MTMR2: variants seen among roughly 807,000 people sequenced by gnomAD.
The protein encoded by MTMR2 is phosphatidylinositol-3,5-bisphosphate 3-phosphatase MTMR2.
In MTMR2, 55 loss-of-function variants were observed where a neutral mutation model predicts 86.9. The observed-to-expected ratio is 0.63, with a 90% confidence interval of 0.51 to 0.79. MTMR2 has a LOEUF of 0.79. MTMR2 is among the 30% of genes least tolerant of loss of function. The pLI is 0.00. For missense variants in MTMR2, 659 were observed against 772.3 expected (o/e 0.85, Z 1.74); for synonymous variants, 241 against 266.8 (o/e 0.90, Z 0.94).
At chr11:95,842,887 G>A (rs766554736) in intron 11 of MTMR2, among the ~76,000 whole-genome samples, 1 of 152,042 alleles carries the variant, frequency 6.6e-6, no homozygotes. Context: ...ACTTAACAAC[G>A]CAGTAAAAAT....
At position 95,844,155 on chromosome 11, in the gene MTMR2, CAT is replaced by C. The variant is rs755882528; in HGVS notation, c.1386+796_1386+797del. Among the ~76,000 whole-genome samples the C allele has an allele frequency of 5.7e-4, 87 of 152,286 alleles. 2 individuals are homozygous for C. The highest frequency in any genetic ancestry group is 5.4e-3 in the South Asian group (26 of 4,826). ...TTGATTTTGAACACATTTATATAAA[CAT>C]GTGCAGCTTTGGCTGACTAAAACTT... On this transcript the variant is annotated intron_variant, in intron 11 of 14. Transcript: ENST00000346299.
intron 1 of MTMR2, among the ~76,000 whole-genome samples, chr11:95,894,690 CAA>C (rs1307724582): frequency 1.3e-5 from 2 of 152,064 alleles, no homozygotes; most frequent in Non-Finnish European, 2.9e-5. Context: ...TTAAAGTTTT[CAA>C]AAGAGTTTCT....
intron 1 of MTMR2, among the ~76,000 whole-genome samples, chr11:95,890,684 T>C (rs966483723): frequency 6.6e-6 from 1 of 152,180 alleles, no homozygotes; most frequent in Non-Finnish European, 1.5e-5. Context: ...AAGAATAGGA[T>C]GAGCATAGGT....
intron 2 of MTMR2, among the ~76,000 whole-genome samples, chr11:95,885,780 G>T (rs962681774): frequency 2.0e-5 from 3 of 152,008 alleles, no homozygotes; most frequent in Non-Finnish European, 2.9e-5. Context: ...ACAGTATGTG[G>T]GTGGGGGAGG....
intron 7 of MTMR2, among the ~76,000 whole-genome samples, chr11:95,855,170 C>T (rs979075975): frequency 7.2e-5 from 11 of 152,084 alleles, no homozygotes; most frequent in African/African-American, 2.4e-4. Context: ...TCACTACATA[C>T]TGTATATGTC....
At chr11:95,907,221 T>G (rs1866312206) in intron 1 of MTMR2, among the ~76,000 whole-genome samples, 1 of 151,998 alleles carries the variant, frequency 6.6e-6, no homozygotes, top group Admixed American at 6.6e-5. Context: ...AAATCCTCAG[T>G]GACTACTATG....
chr11:95,838,591 A>G (rs1352897352), intron 12 of MTMR2, among the ~76,000 whole-genome samples: 1 of 152,090 alleles, frequency 6.6e-6, no homozygotes, highest in Non-Finnish European at 1.5e-5. Context: ...GTCTCCAGAA[A>G]ATGTCAGCAA....
chr11:95,911,902 T>A (rs1028119258), intron 1 of MTMR2, among the ~76,000 whole-genome samples: 1 of 152,152 alleles, frequency 6.6e-6, no homozygotes, highest in Non-Finnish European at 1.5e-5. Flanking sequence ...CAAACCTGAA[T>A]TCATTATTCA....
chr11:95,920,257 G>C (rs752933420), intron 1 of MTMR2, among the ~76,000 whole-genome samples: 5 of 152,172 alleles, frequency 3.3e-5, no homozygotes, highest in Non-Finnish European at 5.9e-5. Flanking sequence ...TTGCTGAACA[G>C]TTTACTGAAG....
At chr11:95,885,382 C>T (rs1327459785) in intron 2 of MTMR2, among the ~76,000 whole-genome samples, 1 of 151,938 alleles carries the variant, frequency 6.6e-6, no homozygotes, top group Non-Finnish European at 1.5e-5. Flanking sequence ...AACCAGGGCT[C>T]CTATGAAAAC....
intron 1 of MTMR2, among the ~76,000 whole-genome samples, chr11:95,894,188 T>C (rs1174600765): frequency 6.6e-6 from 1 of 152,208 alleles, no homozygotes; most frequent in Non-Finnish European, 1.5e-5. Flanking sequence ...CATGCCCTCT[T>C]TGTCCCATCT....
intron 2 of MTMR2, among the ~76,000 whole-genome samples, chr11:95,879,045 C>T (rs1014183932): frequency 9.2e-5 from 14 of 151,994 alleles, no homozygotes; most frequent in African/African-American, 3.4e-4. Flanking sequence ...ATATATCTCC[C>T]AACAGTGGCT....
intron 1 of MTMR2, among the ~76,000 whole-genome samples, chr11:95,897,005 T>C (rs1421788495): frequency 6.6e-6 from 1 of 152,034 alleles, no homozygotes; most frequent in African/African-American, 2.4e-5. Context: ...GGATTAGTCC[T>C]ATCTAGCTAA....
chr11:95,897,665 T>C (rs531353038), intron 1 of MTMR2, among the ~76,000 whole-genome samples: 1 of 152,258 alleles, frequency 6.6e-6, no homozygotes, highest in Non-Finnish European at 1.5e-5. Flanking sequence ...ACTACACCTA[T>C]TTAGCTAAGT....
chr11:95,879,094 C>T (rs1003941727), intron 2 of MTMR2, among the ~76,000 whole-genome samples: 1 of 151,920 alleles, frequency 6.6e-6, no homozygotes, highest in African/African-American at 2.4e-5. Flanking sequence ...AGACCATGAT[C>T]ATAACATGAT....
At chr11:95,844,181 T>C (rs1863670390) in intron 11 of MTMR2, among the ~76,000 whole-genome samples, 1 of 152,200 alleles carries the variant, frequency 6.6e-6, no homozygotes, top group East Asian at 1.9e-4. Flanking sequence ...TGACTAAAAC[T>C]TGATTCTTTG....
chr11:95,848,701 T>C (rs654345), intron 9 of MTMR2, among the ~76,000 whole-genome samples: 91,205 of 152,010 alleles, frequency 0.6, 29,518 homozygotes, highest in African/African-American at 0.86. Flanking sequence ...ATTAAGTGAT[T>C]ATATGACCCA....
At position 95,896,263 on chromosome 11, in the gene MTMR2, C is replaced by T. The variant is rs143975527; in HGVS notation, c.81-8002G>A. Among the ~76,000 whole-genome samples, 35 of 152,122 alleles carry T rather than the reference C, an allele frequency of 2.3e-4. No individual in the cohort carries two copies. In the East Asian group the frequency reaches 6.6e-3, roughly 29 times the overall value. ...GCTTTTCATTCTTTTCACTTACAAC[C>T]AGTCTCTTCTTACGTATCTTTGCAA... On this transcript the variant is annotated intron_variant, in intron 1 of 14. Coordinates refer to ENST00000346299, the MANE Select transcript of MTMR2 (RefSeq NM_016156.6).
chr11:95,910,842 C>A (rs1414039749), intron 1 of MTMR2, among the ~76,000 whole-genome samples: 1 of 151,860 alleles, frequency 6.6e-6, no homozygotes, highest in African/African-American at 2.4e-5. Flanking sequence ...ATCATAAGCA[C>A]TGTTCATGCT....
Sources: allele counts gnomAD v4.1 joint callset (sites outside exome capture counted in the v4.1 genomes callset), GRCh38; gene constraint gnomAD v4.1.1; transcripts MANE v1.5; gene names NCBI Gene and HGNC (gene_info 2026-07-23, HGNC 2026-07-21).